The following ANKS1B variants were observed in gnomAD, a reference collection of about 807,000 sequenced individuals.
The protein encoded by ANKS1B is ankyrin repeat and sterile alpha motif domain-containing protein 1B.
ANKS1B carries 36 observed loss-of-function variants against 148.3 expected under a neutral mutation model. The observed-to-expected ratio is 0.24, with a 90% CI of 0.19 to 0.32. ANKS1B has a LOEUF of 0.32. Ranked by LOEUF, ANKS1B falls within the 10% of genes least tolerant of loss-of-function variation. The pLI, the probability that ANKS1B is intolerant of heterozygous loss-of-function variation, is 1.00. For synonymous variants in ANKS1B, 542 were observed against 560.8 expected (o/e 0.97, Z 0.47); for missense variants, 1,157 against 1,542.6 (o/e 0.75, Z 4.19).
chr12:99,560,282 T>C (rs1176278146), intron 9 of ANKS1B, among the ~76,000 whole-genome samples: 6 of 152,218 alleles, frequency 3.9e-5, no homozygotes, highest in Admixed American at 3.9e-4. Flanking sequence ...TTATCTAATG[T>C]TCACTTGAGT....
At chr12:98,987,243 A>G (rs2099924028) in intron 17 of ANKS1B, among the ~76,000 whole-genome samples, 1 of 151,886 alleles carries the variant, frequency 6.6e-6, no homozygotes, top group Non-Finnish European at 1.5e-5. Context: ...TGAGCAATAA[A>G]TAGGTCAAAA....
chr12:99,430,537 A>G (rs767460924), intron 11 of ANKS1B, among the ~76,000 whole-genome samples: 22 of 152,216 alleles, frequency 1.4e-4, no homozygotes, highest in Non-Finnish European at 2.8e-4. Context: ...ATGAACTTCT[A>G]TTCTCTGGCT....
chr12:99,162,887 G>A (rs1334694876), intron 14 of ANKS1B, among the ~76,000 whole-genome samples: 5 of 151,968 alleles, frequency 3.3e-5, no homozygotes, highest in African/African-American at 4.8e-5. Flanking sequence ...GTAAAACCTC[G>A]TCTCTACTAC....
At chr12:99,543,920 T>C (rs756726773) in intron 9 of ANKS1B, among the ~76,000 whole-genome samples, 7 of 152,122 alleles carry the variant, frequency 4.6e-5, no homozygotes, top group Non-Finnish European at 8.8e-5. Context: ...ACATGAGGAA[T>C]GCCTGTGGCA....
intron 20 of ANKS1B, among the ~76,000 whole-genome samples, chr12:98,806,052 A>C (rs1212877241): frequency 6.6e-6 from 1 of 152,154 alleles, no homozygotes; most frequent in African/African-American, 2.4e-5. Context: ...TTGTATATTT[A>C]GTAGAAACAG....
intron 13 of ANKS1B, 94 bp downstream of exon 13, chr12:99,246,179 TGC>T: frequency 3.5e-5 from 32 of 921,980 alleles, no homozygotes; most frequent in Middle Eastern, 2.2e-4. Flanking sequence ...TTTTTTTTCT[TGC>T]TTTTGAAAGA....
chr12:98,990,226 A>G (rs549351871), intron 17 of ANKS1B, among the ~76,000 whole-genome samples: 4 of 151,980 alleles, frequency 2.6e-5, no homozygotes, highest in African/African-American at 9.6e-5. Flanking sequence ...GAGATCTTTT[A>G]CCTCCTTGGT....
At chr12:99,393,130 ACAGATAG>A (rs973160100) in intron 12 of ANKS1B, among the ~76,000 whole-genome samples, 7 of 152,276 alleles carry the variant, frequency 4.6e-5, no homozygotes, top group African/African-American at 1.7e-4. Flanking sequence ...AGATAGATAG[ACAGATAG>A]ATCTACCTTT....
intron 12 of ANKS1B, among the ~76,000 whole-genome samples, chr12:99,326,640 C>A (rs531199300): frequency 5.3e-5 from 8 of 151,944 alleles, no homozygotes; most frequent in African/African-American, 1.4e-4. Flanking sequence ...GATATTGTTA[C>A]GTAAAAAGTG....
At chr12:98,797,987 C>T (rs571319150) in intron 22 of ANKS1B, among the ~76,000 whole-genome samples, 16 of 152,200 alleles carry the variant, frequency 1.1e-4, no homozygotes, top group Non-Finnish European at 2.1e-4. Context: ...CCTCTATACA[C>T]CTGTTATGGA....
intron 9 of ANKS1B, chr12:99,649,514 G>A: frequency 2.6e-6 from 2 of 766,154 alleles, no homozygotes; most frequent in Non-Finnish European, 2.2e-6. Flanking sequence ...ATGACAGTAA[G>A]CACCACCACA....
Position 99,625,634 on chromosome 12 carries a change from T to C in ANKS1B, c.1272+29433A>G, listed in dbSNP as rs188719641. 1.4e-3 allele frequency among the ~76,000 whole-genome samples: 213 copies of C among 152,264 alleles called. 3 individuals are homozygous for C. Among genetic ancestry groups the C allele is most frequent in the Non-Finnish European group, 3.2e-4 (22 of 68,006 alleles). On this transcript the variant is annotated intron_variant, in intron 9 of 26. Transcript: ENST00000683438. ...ATGATACAAATGTTGGTTTTAGGAT[T>C]CTCTTTAAAAACATACATAGCTGAT... is the stretch of plus-strand genomic sequence containing the variant.
In ANKS1B at chr12:99,402,679, C is replaced by T. The variant is rs910534570; in HGVS notation, c.1576-2868G>A. Among the ~76,000 whole-genome samples the T allele has an allele frequency of 2.9e-4, 42 of 146,058 alleles. 2 individuals carry two copies. The highest frequency in any genetic ancestry group is 6.3e-4 in the South Asian group (3 of 4,754). ...TCTTTTTTATGGCTGCATAGTATTC[C>T]GTGGTGTATATATACCACATTTTCT... On this transcript the variant is annotated intron_variant, in intron 11 of 26. Transcript: ENST00000683438.
At chr12:99,961,551 C>T (rs944376581) in intron 1 of ANKS1B, among the ~76,000 whole-genome samples, 1 of 152,162 alleles carries the variant, frequency 6.6e-6, no homozygotes, top group African/African-American at 2.4e-5. Context: ...CAAGGCCTGG[C>T]AGTTCAACAT....
At chr12:99,924,037 T>C (rs2094429072) in intron 1 of ANKS1B, among the ~76,000 whole-genome samples, 1 of 152,162 alleles carries the variant, frequency 6.6e-6, no homozygotes, top group Non-Finnish European at 1.5e-5. Context: ...TGGCACACTC[T>C]TAAATTTTAT....
chr12:99,634,322 G>A (rs2098208473), intron 9 of ANKS1B, among the ~76,000 whole-genome samples: 2 of 152,156 alleles, frequency 1.3e-5, no homozygotes, highest in East Asian at 1.9e-4. Context: ...AGCACATTCA[G>A]CCCCCTCACC....
intron 2 of ANKS1B, among the ~76,000 whole-genome samples, chr12:99,813,877 GATTCCGGAGAAATGATAAT>G: frequency 6.6e-6 from 1 of 151,832 alleles, no homozygotes; most frequent in African/African-American, 2.4e-5. Flanking sequence ...CTGAGGCTGT[GATTCCGGAGAAATGATAAT>G]CACACACCAC....
intron 12 of ANKS1B, among the ~76,000 whole-genome samples, chr12:99,308,183 A>T (rs760158135): frequency 2.6e-5 from 4 of 152,244 alleles, no homozygotes; most frequent in Non-Finnish European, 4.4e-5. Context: ...GAGAACAAGA[A>T]TCAGAGCAAT....
At chr12:99,749,023 AT>A (rs1490141467) in intron 8 of ANKS1B, among the ~76,000 whole-genome samples, 1 of 152,108 alleles carries the variant, frequency 6.6e-6, no homozygotes, top group African/African-American at 2.4e-5. Flanking sequence ...TCAGCAAAAT[AT>A]TCGTTACTCA....
Sources: allele counts gnomAD v4.1 joint callset (sites outside exome capture counted in the v4.1 genomes callset), GRCh38; gene constraint gnomAD v4.1.1; transcripts MANE v1.5; gene names NCBI Gene and HGNC (gene_info 2026-07-23, HGNC 2026-07-21).